CPNE1: variants seen among roughly 807,000 people sequenced by gnomAD.
CPNE1 encodes the protein copine 1.
A neutral mutation model predicts 63.2 loss-of-function variants in CPNE1; 58 were observed. That is an observed-to-expected ratio of 0.92 (90% CI 0.74 to 1.14). CPNE1 has a LOEUF of 1.14. Among genes scored for constraint, CPNE1 ranks in the 50% most tolerant of loss-of-function variants. CPNE1 has a pLI of 0.00. For missense variants in CPNE1, 672 were observed against 661.7 expected, an observed-to-expected ratio of 1.02 and a Z score of -0.17; for synonymous variants, 237 against 249.0, an observed-to-expected ratio of 0.95 and a Z score of 0.45.
chr20:35,655,248 T>C (rs1392043556), intron 1 of CPNE1: 3 of 1,613,692 alleles, frequency 1.9e-6, no homozygotes, highest in Non-Finnish European at 2.5e-6. Flanking sequence ...GAATGGTCAA[T>C]CCAGAGAAGA....
chr20:35,654,656 C>G, intron 1 of CPNE1: 1 of 1,612,496 alleles, frequency 6.2e-7, no homozygotes, highest in Non-Finnish European at 8.5e-7. Flanking sequence ...ATCGGGGGCA[C>G]AGGAGGCACA....
intron 1 of CPNE1, among the ~76,000 whole-genome samples, chr20:35,656,125 T>A (rs2033883522): frequency 6.7e-6 from 1 of 149,810 alleles, no homozygotes; most frequent in Non-Finnish European, 1.5e-5. Context: ...TCACTGTGAC[T>A]ATTTTAATTA....
At chr20:35,626,886 A>T in intron 14 of CPNE1, 83 bp from the exon 15 acceptor site, 1 of 1,128,208 alleles carries the variant, frequency 8.9e-7, no homozygotes, top group East Asian at 2.4e-5. Flanking sequence ...CCCCACACTC[A>T]TAAGAAGTCC....
At chr20:35,636,336 C>T (rs565944769) in intron 1 of CPNE1, among the ~76,000 whole-genome samples, 1 of 152,276 alleles carries the variant, frequency 6.6e-6, no homozygotes, top group East Asian at 1.9e-4. Flanking sequence ...AGTGTTTACA[C>T]AGTACAGAGA....
chr20:35,627,834 C>T (rs1239433130), intron 13 of CPNE1, among the ~76,000 whole-genome samples: 1 of 152,110 alleles, frequency 6.6e-6, no homozygotes, highest in Admixed American at 6.6e-5. Context: ...AGGCAAGGAT[C>T]ATCAATGGAT....
intron 1 of CPNE1, among the ~76,000 whole-genome samples, chr20:35,664,153 C>A (rs896467590): frequency 6.6e-6 from 1 of 152,082 alleles, no homozygotes; most frequent in Admixed American, 6.5e-5. Flanking sequence ...CAGCAATGGA[C>A]CTCGGAGGCA....
At position 35,658,942 on chromosome 20, in the gene CPNE1, G is replaced by C. The variant is rs922714777; in HGVS notation, c.-1+5818C>G. On this transcript the variant is annotated intron_variant, in intron 1 of 15. Coordinates refer to ENST00000397443, the MANE Select transcript of CPNE1 (RefSeq NM_152925.3). ...CAAAATCTCTTACCTGATAAAACAA[G>C]AGATGAATTTCCTTAACAAGAAGTA... 3 of 716,784 alleles carry C rather than the reference G, an allele frequency of 4.2e-6. No homozygotes were observed. The Admixed American group carries it at 6.0e-5, about 14-fold the overall frequency. The allele number at this position is 716,784 out of a possible 1,614,324, so 44.4% of individuals were successfully genotyped here. A position where few individuals can be genotyped will look rare whatever the true frequency, so the allele number is the denominator to read the frequency against.
chr20:35,642,087 G>C (rs1402480110), intron 1 of CPNE1, among the ~76,000 whole-genome samples: 2 of 152,198 alleles, frequency 1.3e-5, no homozygotes, highest in Non-Finnish European at 2.9e-5. Context: ...CTACAAGGGA[G>C]TAACTTGCCC....
chr20:35,662,817 A>G (rs2034307590), intron 1 of CPNE1, among the ~76,000 whole-genome samples: 1 of 152,240 alleles, frequency 6.6e-6, no homozygotes, highest in African/African-American at 2.4e-5. Flanking sequence ...GTGTCAAAGA[A>G]GGTGAAAGAA....
intron 1 of CPNE1, 146 bp from the exon 2 acceptor site, chr20:35,633,069 C>T (rs981180791): frequency 7.6e-6 from 5 of 661,202 alleles, no homozygotes; most frequent in South Asian, 1.9e-5. Context: ...AAGAGAAGGC[C>T]TCATAGCCTC....
intron 1 of CPNE1, among the ~76,000 whole-genome samples, chr20:35,656,131 A>C (rs1445579398): frequency 6.6e-6 from 1 of 152,214 alleles, no homozygotes; most frequent in African/African-American, 2.4e-5. Context: ...TGACTATTTT[A>C]ATTAAAACTC....
At chr20:35,654,707 G>A (rs2033786093) in intron 1 of CPNE1, 1 of 1,613,796 alleles carries the variant, frequency 6.2e-7, no homozygotes, top group Non-Finnish European at 8.5e-7. Context: ...GGAATTGGGG[G>A]AATGGATGGC....
At chr20:35,653,498 G>GT in intron 1 of CPNE1, 1 of 1,614,164 alleles carries the variant, frequency 6.2e-7, no homozygotes, top group Non-Finnish European at 8.5e-7. Context: ...CTCCCATTAA[G>GT]TTTTTTACGG....
chr20:35,627,381 C>G lies in CPNE1; in HGVS notation c.1135G>C (p.Ala379Pro). Residue 379 changes from alanine to proline, a missense_variant, in exon 14 of 16, where the codon GCC (alanine) becomes CCC (proline). Coordinates refer to ENST00000397443, the MANE Select transcript of CPNE1 (RefSeq NM_152925.3). ...CCATAGAGGCGAACTTGGGGCAGGG[C>G]TTGGCGGTAGGCATCCACAATGCCC... is the stretch of plus-strand genomic sequence containing the variant. ...IQGIVDAYRQ[A>P]LPQVRLYGPT... 2 of 1,614,052 alleles carry G rather than the reference C, an allele frequency of 1.2e-6. No homozygotes were observed. The highest frequency in any genetic ancestry group is 1.7e-6 in the Non-Finnish European group (2 of 1,180,004).
chr20:35,659,150 AAAAAAG>A (rs2034086893), intron 1 of CPNE1: 26 of 457,300 alleles, frequency 5.7e-5, no homozygotes, highest in Non-Finnish European at 9.1e-5. Flanking sequence ...AAAAAAAAAA[AAAAAAG>A]AAAGACACCG....
At chr20:35,638,606 A>G in intron 1 of CPNE1, among the ~76,000 whole-genome samples, 1 of 122,864 alleles carries the variant, frequency 8.1e-6, no homozygotes, top group Admixed American at 8.2e-5. Flanking sequence ...AAAAAACCTA[A>G]CAAACACCTA....
chr20:35,649,759 T>TA lies in CPNE1; in HGVS notation c.-1+15000dup, dbSNP rs900210296. ...AAATCAAAAGAAAAATGAACACCAA[T>TA]AAAAAAAAAATCAGAAGGGAGAGGA... is the stretch of plus-strand genomic sequence containing the variant. On this transcript the variant is annotated intron_variant, in intron 1 of 15. Coordinates refer to ENST00000397443, the MANE Select transcript of CPNE1 (RefSeq NM_152925.3). The TA allele has an allele frequency of 8.5e-4, 123 of 144,226 alleles. 1 individual carries two copies. In the Middle Eastern group the frequency reaches 0.018, roughly 21 times the overall value. 8.9% of individuals were successfully genotyped at this position (144,226 alleles called of 1,614,324 possible). A position where few individuals can be genotyped will look rare whatever the true frequency, so the allele number is the denominator to read the frequency against.
intron 6 of CPNE1, 46 bp from the exon 7 acceptor site, chr20:35,631,823 C>G (rs1208171305): frequency 6.4e-7 from 1 of 1,565,286 alleles, no homozygotes; most frequent in Non-Finnish European, 8.8e-7. Context: ...GCATGGCCCC[C>G]TGAGGAGCTG....
At chr20:35,662,503 C>A (rs1271760355) in intron 1 of CPNE1, among the ~76,000 whole-genome samples, 1 of 152,182 alleles carries the variant, frequency 6.6e-6, no homozygotes, top group African/African-American at 2.4e-5. Flanking sequence ...CTATTAAGCA[C>A]TTGTGGGCCA....
Sources: gnomAD v4.1 joint callset for allele counts (sites outside exome capture counted in the v4.1 genomes callset) on GRCh38, gnomAD v4.1.1 for gene constraint, MANE v1.5 for transcripts, NCBI Gene and HGNC (gene_info 2026-07-23, HGNC 2026-07-21) for gene names.